Variants in TNIK observed in about 807,000 individuals in gnomAD.
TNIK encodes TRAF2 and NCK interacting kinase.
TNIK carries 49 observed loss-of-function variants against 191.3 expected under a neutral mutation model. That is an observed-to-expected ratio of 0.26 (90% CI 0.20 to 0.32). TNIK has a LOEUF of 0.32. Ranked by LOEUF, TNIK falls within the 10% of genes least tolerant of loss-of-function variation. The probability of loss-of-function intolerance (pLI) is 1.00; values close to 1 mark genes in which losing one functional copy is unlikely to be tolerated. For missense variants in TNIK, 1,155 were observed against 1,702.3 expected (o/e 0.68, Z 5.66); for synonymous variants, 594 against 600.9 (o/e 0.99, Z 0.17).
rs573455627 is a variant in TNIK at position 171,173,950 on chromosome 3, G to A, written c.773+1302C>T. Reference sequence around the variant, plus strand: ...AAGCAGGGTGTTGGGGTGCTTTGCCGATCACATGATGTATGACACCCAATG... The same window carrying A: ...AAGCAGGGTGTTGGGGTGCTTTGCCAATCACATGATGTATGACACCCAATG... On this transcript the variant is annotated intron_variant, in intron 9 of 32. Transcript: ENST00000436636. Among the ~76,000 whole-genome samples, 83 of 152,218 alleles carry A rather than the reference G, an allele frequency of 5.5e-4. 4 individuals carry two copies. Among genetic ancestry groups the A allele is most frequent in the African/African-American group, 1.9e-3 (77 of 41,528 alleles).
rs556608112 is a variant in TNIK at position 171,440,376 on chromosome 3, T to C, written c.57+19631A>G. On this transcript the variant is annotated intron_variant, in intron 1 of 32. Coordinates refer to ENST00000436636, the MANE Select transcript of TNIK (RefSeq NM_015028.4). Reference sequence around the variant, plus strand: ...CCATTAAACTCACTCCACAACCCATTACAATTTGAAAAACACCTGGTATCT... The same window carrying C: ...CCATTAAACTCACTCCACAACCCATCACAATTTGAAAAACACCTGGTATCT... 1.6e-4 allele frequency among the ~76,000 whole-genome samples: 25 copies of C among 152,276 alleles called. No homozygotes were observed. The South Asian group carries it at 3.5e-3, about 22-fold the overall frequency.
chr3:171,371,679 C>A (rs1396060717), intron 1 of TNIK, among the ~76,000 whole-genome samples: 2 of 152,042 alleles, frequency 1.3e-5, no homozygotes, highest in African/African-American at 4.8e-5. Flanking sequence ...ACCTGGGAGG[C>A]CTCAGGATCG....
chr3:171,097,280 G>A (rs965550723), intron 22 of TNIK, among the ~76,000 whole-genome samples: 1 of 152,208 alleles, frequency 6.6e-6, no homozygotes, highest in Non-Finnish European at 1.5e-5. Flanking sequence ...AATGAGTGGA[G>A]TCTGTAATAC....
chr3:171,178,868 T>A (rs1736292399), intron 7 of TNIK, among the ~76,000 whole-genome samples: 1 of 152,194 alleles, frequency 6.6e-6, no homozygotes, highest in Non-Finnish European at 1.5e-5. Context: ...GAAAAAGAGA[T>A]GTAACTGGAA....
chr3:171,282,341 G>GTTTTTTTTTTTTTTTTTTTTTTTTT (rs869305605), intron 2 of TNIK, among the ~76,000 whole-genome samples: 5 of 79,950 alleles, frequency 6.3e-5, no homozygotes, highest in African/African-American at 2.2e-4. Context: ...ATGGTTTTTT[G>GTTTTTTTTTTTTTTTTTTTTTTTTT]TTTTTTTTTT....
intron 3 of TNIK, among the ~76,000 whole-genome samples, chr3:171,212,307 T>A (rs180937169): frequency 3.9e-4 from 59 of 152,276 alleles, no homozygotes; most frequent in Admixed American, 3.4e-3. Flanking sequence ...CATTCCTGAT[T>A]GAGTTTAATC....
intron 23 of TNIK, 138 bp from the exon 24 acceptor site, chr3:171,087,644 A>G (rs1721545524): frequency 5.1e-6 from 5 of 979,530 alleles, no homozygotes; most frequent in African/African-American, 1.6e-5. Flanking sequence ...TCACATTTCT[A>G]TTTTACTTAA....
chr3:171,394,426 T>TC (rs1719970238), intron 1 of TNIK, among the ~76,000 whole-genome samples: 1 of 152,196 alleles, frequency 6.6e-6, no homozygotes, highest in African/African-American at 2.4e-5. Flanking sequence ...TCCCACAGCC[T>TC]CCTATGCTTT....
intron 1 of TNIK, among the ~76,000 whole-genome samples, chr3:171,443,954 G>C (rs1162569688): frequency 6.6e-6 from 1 of 152,096 alleles, no homozygotes; most frequent in East Asian, 1.9e-4. Flanking sequence ...TCTTTAACCA[G>C]GTATTTTTTA....
chr3:171,104,463 A>C (rs1017825640), intron 21 of TNIK, among the ~76,000 whole-genome samples: 2 of 152,168 alleles, frequency 1.3e-5, no homozygotes, highest in Non-Finnish European at 1.5e-5. Context: ...ATATTTGAGA[A>C]TATATAGCTA....
intron 19 of TNIK, among the ~76,000 whole-genome samples, chr3:171,108,818 G>A (rs369129241): frequency 2.3e-4 from 35 of 152,316 alleles, no homozygotes; most frequent in Middle Eastern, 3.4e-3. Context: ...GGTTGTTATA[G>A]GAGAAGGGCC....
At chr3:171,143,766 C>T (rs1244156575) in intron 12 of TNIK, among the ~76,000 whole-genome samples, 1 of 152,210 alleles carries the variant, frequency 6.6e-6, no homozygotes, top group Admixed American at 6.5e-5. Flanking sequence ...ATACTGCAAA[C>T]TGGCTAAGTA....
intron 4 of TNIK, among the ~76,000 whole-genome samples, chr3:171,208,250 A>G (rs569237458): frequency 3.3e-5 from 5 of 152,260 alleles, no homozygotes; most frequent in Admixed American, 6.5e-5. Context: ...GAGCTATGGT[A>G]TTTACGGCTA....
intron 1 of TNIK, among the ~76,000 whole-genome samples, chr3:171,436,846 A>G (rs1726089522): frequency 6.6e-6 from 1 of 152,188 alleles, no homozygotes; most frequent in Admixed American, 6.5e-5. Context: ...TGCAGCACAA[A>G]TCTGCATCAA....
intron 1 of TNIK, among the ~76,000 whole-genome samples, chr3:171,421,416 G>T (rs190847121): frequency 1.3e-5 from 2 of 152,086 alleles, no homozygotes; most frequent in African/African-American, 4.8e-5. Context: ...TAGAATTCAC[G>T]CCCCTCTTTC....
intron 2 of TNIK, among the ~76,000 whole-genome samples, chr3:171,336,479 C>G (rs1015160417): frequency 9.9e-5 from 15 of 152,130 alleles, no homozygotes; most frequent in African/African-American, 3.1e-4. Flanking sequence ...GCTGTATGAC[C>G]ACATAAGTCA....
chr3:171,392,797 AAAAG>A (rs1719735987), intron 1 of TNIK, among the ~76,000 whole-genome samples: 3 of 139,094 alleles, frequency 2.2e-5, no homozygotes, highest in African/African-American at 8.0e-5. Flanking sequence ...AAAAAAAAAG[AAAAG>A]AAAGAAAGAA....
At chr3:171,197,309 C>T (rs1476172877) in intron 4 of TNIK, among the ~76,000 whole-genome samples, 3 of 151,872 alleles carry the variant, frequency 2.0e-5, no homozygotes, top group African/African-American at 7.3e-5. Flanking sequence ...TCAGGAGAAA[C>T]CATAGGGGTA....
At chr3:171,360,293 C>G (rs1714787445) in intron 2 of TNIK, among the ~76,000 whole-genome samples, 1 of 152,180 alleles carries the variant, frequency 6.6e-6, no homozygotes, top group Admixed American at 6.5e-5. Context: ...AGCAATGCCA[C>G]CAGGCCACAT....
Sources: allele counts gnomAD v4.1 joint callset (sites outside exome capture counted in the v4.1 genomes callset), GRCh38; gene constraint gnomAD v4.1.1; transcripts MANE v1.5; gene names NCBI Gene and HGNC (gene_info 2026-07-23, HGNC 2026-07-21).